The following GPRIN3 variants were observed in gnomAD, a reference collection of about 807,000 sequenced individuals.
GPRIN3 encodes G protein-regulated inducer of neurite outgrowth 3.
GPRIN3 carries 12 observed loss-of-function variants against 13.7 expected under a neutral mutation model. The observed-to-expected ratio is 0.87, with a 90% CI of 0.56 to 1.42. The LOEUF (loss-of-function observed/expected upper bound fraction) is 1.42. Ranked by LOEUF, GPRIN3 falls within the 40% of genes most tolerant of loss-of-function variation. The probability of loss-of-function intolerance (pLI) is 0.00; values close to 1 mark genes in which losing one functional copy is unlikely to be tolerated. For synonymous variants in GPRIN3, 377 were observed against 372.7 expected, an observed-to-expected ratio of 1.01 and a Z score of -0.13; for missense variants, 1,009 against 958.7, an observed-to-expected ratio of 1.05 and a Z score of -0.69.
At chr4:89,265,124 G>C (rs1435883986) in intron 1 of GPRIN3, among the ~76,000 whole-genome samples, 1 of 152,120 alleles carries the variant, frequency 6.6e-6, no homozygotes, top group Non-Finnish European at 1.5e-5. Context: ...GACATATATA[G>C]GTGAGGTAAT....
At chr4:89,263,720 C>T (rs1447070544) in intron 1 of GPRIN3, among the ~76,000 whole-genome samples, 4 of 152,100 alleles carry the variant, frequency 2.6e-5, no homozygotes, top group African/African-American at 4.8e-5. Flanking sequence ...GTGTTATTTA[C>T]GTATCTGAAA....
intron 1 of GPRIN3, among the ~76,000 whole-genome samples, chr4:89,267,673 A>G (rs1042266663): frequency 6.6e-6 from 1 of 152,222 alleles, no homozygotes; most frequent in Non-Finnish European, 1.5e-5. Context: ...TAGATGCCAC[A>G]GTCTCTTTTA....
chr4:89,277,556 C>T (rs1561212587), intron 1 of GPRIN3, among the ~76,000 whole-genome samples: 1 of 152,214 alleles, frequency 6.6e-6, no homozygotes, highest in Admixed American at 6.5e-5. Context: ...AAGGAGACTG[C>T]CATGTCTTCC....
chr4:89,252,474 A>G (rs1045698521), intron 1 of GPRIN3, among the ~76,000 whole-genome samples: 1 of 152,250 alleles, frequency 6.6e-6, no homozygotes, highest in Non-Finnish European at 1.5e-5. Flanking sequence ...TTCCAGCTCC[A>G]AAATTCAAGG....
chr4:89,297,722 G>C (rs1724779566), intron 1 of GPRIN3, among the ~76,000 whole-genome samples: 1 of 152,274 alleles, frequency 6.6e-6, no homozygotes, highest in Non-Finnish European at 1.5e-5. Flanking sequence ...TAAAAAGATA[G>C]CCAGAAGGCA....
intron 1 of GPRIN3, among the ~76,000 whole-genome samples, chr4:89,282,594 ATT>A (rs11306317): frequency 0.19 from 26,204 of 135,342 alleles, 4,480 homozygotes; most frequent in African/African-American, 0.47. Flanking sequence ...TTTTTTTGCA[ATT>A]TTTTTTTTTT....
intron 1 of GPRIN3, among the ~76,000 whole-genome samples, chr4:89,284,760 T>C (rs567837544): frequency 6.6e-6 from 1 of 152,310 alleles, no homozygotes; most frequent in South Asian, 2.1e-4. Context: ...TCCCCATTCC[T>C]TGCCTTTAGC....
Position 89,236,750 on chromosome 4 carries a change from T to C in GPRIN3, c.*11030A>G, listed in dbSNP as rs370468569. ...GGTCCTTTGATTCCAAGCCCAGATA[T>C]TTACCACAATATCTCTGTGATCATC... On this transcript the variant is annotated 3_prime_UTR_variant, in exon 2 of 2. Coordinates refer to ENST00000609438, the MANE Select transcript of GPRIN3 (RefSeq NM_198281.3). The C allele has an allele frequency of 1.1e-4, 16 of 152,276 alleles. No individual in the cohort carries two copies. In the East Asian group the frequency reaches 2.1e-3, roughly 20 times the overall value. The allele number at this position is 152,276 out of a possible 1,614,324, so 9.4% of individuals were successfully genotyped here.
At chr4:89,281,940 T>C (rs2149279363) in intron 1 of GPRIN3, among the ~76,000 whole-genome samples, 1 of 151,930 alleles carries the variant, frequency 6.6e-6, no homozygotes, top group South Asian at 2.1e-4. Flanking sequence ...GTCTTTATTA[T>C]AATGCATTGC....
At chr4:89,263,750 T>C (rs1723706715) in intron 1 of GPRIN3, among the ~76,000 whole-genome samples, 2 of 152,166 alleles carry the variant, frequency 1.3e-5, no homozygotes, top group African/African-American at 4.8e-5. Flanking sequence ...AAAAAAGGAT[T>C]ATGGTCTTCA....
At chr4:89,273,590 G>C (rs1290963733) in intron 1 of GPRIN3, among the ~76,000 whole-genome samples, 1 of 152,208 alleles carries the variant, frequency 6.6e-6, no homozygotes, top group Non-Finnish European at 1.5e-5. Flanking sequence ...AGGAGGCTGA[G>C]GCAGGGAATT....
At position 89,245,507 on chromosome 4, in the gene GPRIN3, G is replaced by T. The variant is rs1464774904; in HGVS notation, c.*2273C>A. 1 of 152,202 alleles carries T rather than the reference G, an allele frequency of 6.6e-6. No homozygotes were observed. Among genetic ancestry groups the T allele is most frequent in the Non-Finnish European group, 1.5e-5 (1 of 68,042 alleles). The allele number at this position is 152,202 out of a possible 1,614,324, so 9.4% of individuals were successfully genotyped here. ...AATCATGTGGTTACTCTAAAGTCAT[G>T]AAAATAAATATTATTATCAGAGGCG... is the stretch of plus-strand genomic sequence containing the variant. On this transcript the variant is annotated 3_prime_UTR_variant, in exon 2 of 2. Coordinates refer to ENST00000609438, the MANE Select transcript of GPRIN3 (RefSeq NM_198281.3).
intron 1 of GPRIN3, among the ~76,000 whole-genome samples, chr4:89,301,877 A>G (rs1399473280): frequency 6.6e-6 from 1 of 152,172 alleles, no homozygotes; most frequent in Non-Finnish European, 1.5e-5. Context: ...GATGCCTGAC[A>G]TTGTGAGTTT....
chr4:89,286,987 A>C (rs1445003104), intron 1 of GPRIN3, among the ~76,000 whole-genome samples: 2 of 152,178 alleles, frequency 1.3e-5, no homozygotes, highest in African/African-American at 4.8e-5. Flanking sequence ...GGGTAACATA[A>C]GAAGACCCTG....
chr4:89,283,847 C>T (rs1314974969), intron 1 of GPRIN3, among the ~76,000 whole-genome samples: 1 of 152,096 alleles, frequency 6.6e-6, no homozygotes, highest in Non-Finnish European at 1.5e-5. Flanking sequence ...GTTGGCATGG[C>T]TGCAGCTCCG....
At chr4:89,263,798 G>A (rs1723708916) in intron 1 of GPRIN3, among the ~76,000 whole-genome samples, 1 of 152,122 alleles carries the variant, frequency 6.6e-6, no homozygotes, top group African/African-American at 2.4e-5. Flanking sequence ...GAGAATTTCA[G>A]CTCATCAAAG....
At chr4:89,299,240 T>C (rs1000400445) in intron 1 of GPRIN3, among the ~76,000 whole-genome samples, 12 of 152,134 alleles carry the variant, frequency 7.9e-5, no homozygotes, top group Non-Finnish European at 1.8e-4. Flanking sequence ...TGTGGCACTG[T>C]GTCCTCTGTT....
At position 89,243,700 on chromosome 4, in the gene GPRIN3, T is replaced by C. The variant is rs1362987247; in HGVS notation, c.*4080A>G. 1 of 152,204 alleles carries C rather than the reference T, an allele frequency of 6.6e-6. No individual in the cohort carries two copies. Among genetic ancestry groups the C allele is most frequent in the Non-Finnish European group, 1.5e-5 (1 of 68,040 alleles). The allele number at this position is 152,204 out of a possible 1,614,324, so 9.4% of individuals were successfully genotyped here. A position where few individuals can be genotyped will look rare whatever the true frequency, so the allele number is the denominator to read the frequency against. On this transcript the variant is annotated 3_prime_UTR_variant, in exon 2 of 2. Coordinates refer to ENST00000609438, the MANE Select transcript of GPRIN3 (RefSeq NM_198281.3). ...ACAAAGCAGGAGAGAGTAAACAGCA[T>C]CATCTCCATGGCAGCATTACAGATA...
intron 1 of GPRIN3, among the ~76,000 whole-genome samples, chr4:89,279,406 C>G (rs1561214318): frequency 1.3e-5 from 2 of 152,252 alleles, no homozygotes; most frequent in East Asian, 3.9e-4. Flanking sequence ...ACAGCGTGCT[C>G]AAGCCTCTAT....
Sources: allele counts gnomAD v4.1 joint callset (sites outside exome capture counted in the v4.1 genomes callset), GRCh38; gene constraint gnomAD v4.1.1; transcripts MANE v1.5; gene names NCBI Gene and HGNC (gene_info 2026-07-23, HGNC 2026-07-21).